Variants in GRIN2A observed in about 807,000 individuals in gnomAD.
GRIN2A encodes the protein glutamate ionotropic receptor NMDA type subunit 2A.
GRIN2A carries 22 observed loss-of-function variants against 113.4 expected under a neutral mutation model. The observed-to-expected ratio is 0.19, with a 90% CI of 0.14 to 0.28. The LOEUF is 0.28. GRIN2A is among the 10% of genes least tolerant of loss of function. The pLI is 1.00. For missense variants in GRIN2A, 1,502 were observed against 1,887.0 expected (o/e 0.80, Z 3.78); for synonymous variants, 827 against 738.4 (o/e 1.12, Z -1.94).
intron 10 of GRIN2A, among the ~76,000 whole-genome samples, chr16:9,803,034 C>T (rs1903463292): frequency 6.6e-6 from 1 of 152,014 alleles, no homozygotes; most frequent in Admixed American, 6.6e-5. Context: ...AAAAAATCCC[C>T]TAAATCTCTG....
intron 2 of GRIN2A, among the ~76,000 whole-genome samples, chr16:10,097,145 G>A (rs1370700360): frequency 6.6e-6 from 1 of 152,136 alleles, no homozygotes. Flanking sequence ...TCAGGCCTCA[G>A]GCTCTGAGCC....
chr16:9,793,384 C>T (rs1326265964), intron 11 of GRIN2A, among the ~76,000 whole-genome samples: 1 of 152,092 alleles, frequency 6.6e-6, no homozygotes, highest in East Asian at 1.9e-4. Context: ...CTTCAAACCC[C>T]ACAATCATTT....
chr16:9,779,342 C>T (rs1414240666), intron 11 of GRIN2A, among the ~76,000 whole-genome samples: 1 of 152,226 alleles, frequency 6.6e-6, no homozygotes, highest in Non-Finnish European at 1.5e-5. Flanking sequence ...TATCTCACTG[C>T]TTTTCAGTTT....
At chr16:10,168,540 G>A (rs112592056) in intron 2 of GRIN2A, among the ~76,000 whole-genome samples, 232 of 152,278 alleles carry the variant, frequency 1.5e-3, no homozygotes, top group African/African-American at 4.2e-3. Context: ...TCATTCCTGA[G>A]GGACAGACAG....
intron 4 of GRIN2A, among the ~76,000 whole-genome samples, chr16:9,889,603 G>C (rs557720099): frequency 6.6e-6 from 1 of 152,200 alleles, no homozygotes; most frequent in South Asian, 2.1e-4. Flanking sequence ...TTAAAGCTAT[G>C]AATTTCTTAG....
chr16:10,007,498 GTTGT>G (rs1473511132), intron 2 of GRIN2A, among the ~76,000 whole-genome samples: 9 of 152,188 alleles, frequency 5.9e-5, no homozygotes, highest in Non-Finnish European at 1.0e-4. Flanking sequence ...TTCCCATTGA[GTTGT>G]TTGAGCTCCT....
intron 3 of GRIN2A, among the ~76,000 whole-genome samples, chr16:9,929,632 G>C (rs978956258): frequency 6.6e-6 from 1 of 152,116 alleles, no homozygotes; most frequent in East Asian, 1.9e-4. Flanking sequence ...TATACACTCT[G>C]TTAGCAGGCA....
At chr16:9,916,242 T>G (rs1237188434) in intron 3 of GRIN2A, among the ~76,000 whole-genome samples, 5 of 152,214 alleles carry the variant, frequency 3.3e-5, no homozygotes, top group Non-Finnish European at 7.3e-5. Context: ...TAATTATGTC[T>G]AATTAGGAGG....
intron 2 of GRIN2A, among the ~76,000 whole-genome samples, chr16:9,966,272 C>A (rs1422402675): frequency 6.6e-6 from 1 of 152,128 alleles, no homozygotes; most frequent in Non-Finnish European, 1.5e-5. Flanking sequence ...CTCCTCCCAC[C>A]CTCCACCCTC....
intron 2 of GRIN2A, among the ~76,000 whole-genome samples, chr16:9,975,799 A>G (rs867367351): frequency 6.6e-6 from 1 of 152,246 alleles, no homozygotes; most frequent in Admixed American, 6.5e-5. Flanking sequence ...AAAGACGCAG[A>G]CAGATTCAAA....
intron 4 of GRIN2A, among the ~76,000 whole-genome samples, chr16:9,859,609 T>C (rs1012666869): frequency 2.1e-5 from 3 of 141,142 alleles, no homozygotes; most frequent in African/African-American, 7.8e-5. Flanking sequence ...CTCGAACCTC[T>C]ACACACACAC....
chr16:10,182,520 G>C (rs1045842669), upstream of GRIN2A: 1 of 152,226 alleles, frequency 6.6e-6, no homozygotes, highest in East Asian at 1.9e-4. Context: ...CGCGGTCCCG[G>C]TTCCCCGAGG....
intron 10 of GRIN2A, among the ~76,000 whole-genome samples, chr16:9,812,830 G>C (rs757093977): frequency 6.6e-6 from 1 of 152,186 alleles, no homozygotes; most frequent in Non-Finnish European, 1.5e-5. Flanking sequence ...TTCAGAAGTG[G>C]AATAGTAGCT....
intron 2 of GRIN2A, among the ~76,000 whole-genome samples, chr16:10,067,966 TC>T (rs2047680953): frequency 6.6e-6 from 1 of 152,224 alleles, no homozygotes; most frequent in Non-Finnish European, 1.5e-5. Flanking sequence ...GCTCTGCTAC[TC>T]AGTGGCTGTG....
intron 2 of GRIN2A, 193 bp downstream of exon 2, chr16:10,179,805 A>G: frequency 3.2e-6 from 2 of 630,144 alleles, no homozygotes; most frequent in Non-Finnish European, 5.7e-6. Flanking sequence ...GAAACAAGGC[A>G]AAAGGCATTT....
intron 4 of GRIN2A, among the ~76,000 whole-genome samples, chr16:9,866,938 A>T (rs1001220181): frequency 5.3e-5 from 8 of 152,176 alleles, no homozygotes; most frequent in Non-Finnish European, 1.2e-4. Context: ...CTGAATTCAG[A>T]AAATCCACAG....
At chr16:9,833,206 T>C (rs16966458) in intron 8 of GRIN2A, among the ~76,000 whole-genome samples, 5,915 of 152,274 alleles carry the variant, frequency 0.039, 417 homozygotes, top group African/African-American at 0.14. Flanking sequence ...GAGTTATAGC[T>C]AACGAATGCC....
chr16:9,790,321 C>T (rs567920078), intron 11 of GRIN2A, among the ~76,000 whole-genome samples: 27 of 152,276 alleles, frequency 1.8e-4, no homozygotes, highest in Non-Finnish European at 2.2e-4. Context: ...AGGCAGAGAA[C>T]CTGGGTTTGA....
chr16:10,145,361 G>C (rs2049417792), intron 2 of GRIN2A, among the ~76,000 whole-genome samples: 1 of 152,134 alleles, frequency 6.6e-6, no homozygotes, highest in Non-Finnish European at 1.5e-5. Context: ...AAAACAAAGA[G>C]ACACAAGGAA....
Sources: gnomAD v4.1 joint callset for allele counts (sites outside exome capture counted in the v4.1 genomes callset) on GRCh38, gnomAD v4.1.1 for gene constraint, MANE v1.5 for transcripts, NCBI Gene and HGNC (gene_info 2026-07-23, HGNC 2026-07-21) for gene names.